Variants in DNAH1 observed in about 807,000 individuals in gnomAD.
DNAH1 encodes the protein dynein axonemal heavy chain 1, also known as axonemal beta dynein heavy chain 1.
DNAH1 carries 327 observed loss-of-function variants against 484.3 expected under a neutral mutation model. That is an observed-to-expected ratio of 0.68 (90% CI 0.62 to 0.74). The LOEUF is 0.74. Among genes scored for constraint, DNAH1 ranks in the 30% least tolerant of loss-of-function variants. The pLI, the probability that DNAH1 is intolerant of heterozygous loss-of-function variation, is 0.00. For missense variants in DNAH1, 5,052 were observed against 5,546.8 expected (o/e 0.91, Z 2.83); for synonymous variants, 2,192 against 2,191.9 (o/e 1.00, Z 0.00).
At chr3:52,389,949 T>C (rs1163114572) in intron 60 of DNAH1, among the ~76,000 whole-genome samples, 1 of 152,112 alleles carries the variant, frequency 6.6e-6, no homozygotes, top group African/African-American at 2.4e-5. Context: ...CCCTCTCTAC[T>C]AAAACTACAA....
At chr3:52,330,753 C>A (rs1701514150) in intron 6 of DNAH1, among the ~76,000 whole-genome samples, 1 of 152,234 alleles carries the variant, frequency 6.6e-6, no homozygotes, top group African/African-American at 2.4e-5. Flanking sequence ...GAGGGCTTCA[C>A]CCTGGCCATG....
intron 7 of DNAH1, among the ~76,000 whole-genome samples, chr3:52,331,619 C>CTTTTTTTTTTTT (rs36097098): frequency 9.0e-6 from 1 of 111,372 alleles, no homozygotes; most frequent in Non-Finnish European, 1.9e-5. Context: ...AAATACTTTT[C>CTTTTTTTTTTTT]TTTTTTTTTT....
In DNAH1 at chr3:52,363,111, C is replaced by T. The variant is rs1306831337; in HGVS notation, c.5211C>T (p.Thr1737=). Residue 1737 remains threonine, a synonymous_variant, in exon 32 of 78, where the codon ACC becomes ACT. Coordinates refer to ENST00000420323, the MANE Select transcript of DNAH1 (RefSeq NM_015512.5). ...TGCTGGCTAAGAAGATCACAACCAC[C>T]TTCAAGCTGTCTTCTGAGCAGCTCA... ...ASVLAKKITT[T]FKLSSEQLSS... is the part of the protein sequence containing the mutation. 6.2e-7 allele frequency: 1 copy of T among 1,613,996 alleles called. No homozygotes were observed. Among genetic ancestry groups the T allele is most frequent in the Non-Finnish European group, 8.5e-7 (1 of 1,179,866 alleles).
chr3:52,372,170 A>G, intron 42 of DNAH1, 57 bp from the exon 43 acceptor site: 1 of 1,610,622 alleles, frequency 6.2e-7, no homozygotes, highest in Middle Eastern at 1.7e-4. Context: ...ATGCAGGGGC[A>G]GCTCCTCCTG....
In DNAH1 at chr3:52,365,195, A is replaced by G. The variant is rs971400179; in HGVS notation, c.5518+176A>G. Among the ~76,000 whole-genome samples the G allele has an allele frequency of 2.6e-5, 4 of 152,282 alleles. No homozygotes were observed. The East Asian group carries it at 7.7e-4, about 29-fold the overall frequency. ...AGAGGCAGGGCAGATGTCCCGGCCC[A>G]GTCTCCACCAAAACCCGCCTGGTGG... On this transcript the variant is annotated intron_variant, in intron 34 of 77. Transcript: ENST00000420323.
chr3:52,398,271 C>G, intron 75 of DNAH1, 109 bp downstream of exon 75: 1 of 1,342,968 alleles, frequency 7.4e-7, no homozygotes, highest in Non-Finnish European at 9.9e-7. Flanking sequence ...TACACATCCT[C>G]TAACTCAGCT....
rs550517667 is a variant in DNAH1, at chr3:52,320,733, G to C, written c.-34-1676G>C. Among the ~76,000 whole-genome samples, 7 of 152,248 alleles carry C rather than the reference G, an allele frequency of 4.6e-5. No individual in the cohort carries two copies. In the East Asian group the frequency reaches 9.6e-4, roughly 21 times the overall value. ...GGAAAATGGGATGGGGCCAGGGAAG[G>C]GGGGCTTGCTTGGGCTAGGCCTCTA... On this transcript the variant is annotated intron_variant, in intron 1 of 77. Coordinates refer to ENST00000420323, the MANE Select transcript of DNAH1 (RefSeq NM_015512.5).
rs1578166840 is a variant in DNAH1, at chr3:52,374,152, T to G, written c.6986-1088T>G. On this transcript the variant is annotated intron_variant, in intron 44 of 77. Transcript: ENST00000420323. ...ATGGGAAATTCCTAGGCTTGAGAGC[T>G]TACATCAGAAAACAGATAAATAATA... is the stretch of plus-strand genomic sequence containing the variant. 6.4e-6 allele frequency: 8 copies of G among 1,246,620 alleles called. No individual in the cohort carries two copies. The East Asian group carries it at 1.9e-4, about 29-fold the overall frequency. 77.2% of individuals were successfully genotyped at this position (1,246,620 alleles called of 1,614,324 possible). A position where few individuals can be genotyped will look rare whatever the true frequency, so the allele number is the denominator to read the frequency against.
At chr3:52,338,550 A>C (rs919172751) in intron 8 of DNAH1, among the ~76,000 whole-genome samples, 1 of 152,214 alleles carries the variant, frequency 6.6e-6, no homozygotes, top group African/African-American at 2.4e-5. Flanking sequence ...GGTTGTATAA[A>C]GTTCCTTTTC....
At chr3:52,385,823 A>G (rs1704079569) in intron 54 of DNAH1, among the ~76,000 whole-genome samples, 1 of 152,244 alleles carries the variant, frequency 6.6e-6, no homozygotes, top group Non-Finnish European at 1.5e-5. Context: ...TGCTCGGCAA[A>G]GTCAGTGCAT....
In DNAH1 at chr3:52,366,907, C is replaced by T. The variant is rs1474938635; in HGVS notation, c.5765+20C>T. The T allele has an allele frequency of 1.3e-6, 2 of 1,593,548 alleles. No homozygotes were observed. The highest frequency in any genetic ancestry group is 1.1e-5 in the South Asian group (1 of 89,194). ...TGAGTGGTGAGTGACCCCCCAGCCT[C>T]ACCGGTGACCCCCTGCTCCCAGACC... is the stretch of plus-strand genomic sequence containing the variant. On this transcript the variant is annotated intron_variant, in intron 36 of 77. Transcript: ENST00000420323.
chr3:52,373,638 C>T, intron 44 of DNAH1: 1 of 1,429,002 alleles, frequency 7.0e-7, no homozygotes. Flanking sequence ...ACTTCAAAAA[C>T]TACCATCCTT....
chr3:52,361,249 A>C lies in DNAH1; in HGVS notation c.4771A>C (p.Thr1591Pro). ...AGCTGGCACAGGCAAAACTGAGACC[A>C]CCAAAGACCTGGGTAAGGCCTTGGC... ...GPAGTGKTET[T>P]KDLGKALAIQ... is the part of the protein sequence containing the mutation. The change falls in exon 29 of 78, where the codon ACC (threonine) becomes CCC (proline). Residue 1591 changes from threonine to proline, a missense_variant. Physicochemically the swap from Thr to Pro is conservative, Grantham distance 38. This residue lies in a region of DNAH1 where 2,929 missense variants were observed against 3,409.4 expected (regional missense o/e 0.86). Transcript: ENST00000420323. This position sits in a 1 kb window ranked among gnomAD's most constrained non-coding sequence, Gnocchi z 5.6. The C allele has an allele frequency of 6.2e-7, 1 of 1,613,000 alleles. No individual in the cohort carries two copies. The highest frequency in any genetic ancestry group is 8.5e-7 in the Non-Finnish European group (1 of 1,179,650).
rs1452204264 is a variant in DNAH1 at position 52,381,915 on chromosome 3, G to A, written c.7805+79G>A. On this transcript the variant is annotated intron_variant, in intron 49 of 77. Coordinates refer to ENST00000420323, the MANE Select transcript of DNAH1 (RefSeq NM_015512.5). The surrounding 1 kb of genome is among the most constrained non-coding windows in gnomAD (Gnocchi z 4.1). ...TTTGACTGACCCATGCTTTTGCACA[G>A]TGGTAGAGGCCTCGGGCAACCCTGA... The A allele has an allele frequency of 1.4e-6, 2 of 1,453,686 alleles. No individual in the cohort carries two copies. Among genetic ancestry groups the A allele is most frequent in the African/African-American group, 1.4e-5 (1 of 70,966 alleles). The allele number at this position is 1,453,686 out of a possible 1,614,324, so 90.0% of individuals were successfully genotyped here. A position where few individuals can be genotyped will look rare whatever the true frequency, so the allele number is the denominator to read the frequency against.
At position 52,326,216 on chromosome 3, in the gene DNAH1, C is replaced by T. The variant is rs372647456; in HGVS notation, c.483C>T (p.Leu161=). 69 of 1,613,058 alleles carry T rather than the reference C, an allele frequency of 4.3e-5. No individual in the cohort carries two copies. Among genetic ancestry groups the T allele is most frequent in the African/African-American group, 8.0e-5 (6 of 75,042 alleles). The part of the protein sequence containing the change: ...QQCIGSTTRL[L]AQTDFPLQAY... The stretch of plus-strand genomic sequence containing the variant: ...GCATCGGGTCCACCACCCGGCTGCT[C>T]GCCCAGACTGACTTCCCACTGCAGG... Residue 161 remains leucine, a synonymous_variant, in exon 4 of 78, where the codon CTC becomes CTT. Transcript: ENST00000420323.
chr3:52,347,791 C>A, intron 11 of DNAH1, 33 bp from the exon 12 acceptor site: 1 of 1,539,708 alleles, frequency 6.5e-7, no homozygotes, highest in Non-Finnish European at 8.8e-7. Flanking sequence ...CCTCCTAGGC[C>A]TCTGCCCACA....
Position 52,363,368 on chromosome 3 carries a change from A to G in DNAH1, c.5244+224A>G, listed in dbSNP as rs368388174. Among the ~76,000 whole-genome samples, 194 of 152,362 alleles carry G rather than the reference A, an allele frequency of 1.3e-3. 4 individuals are homozygous for G. In the South Asian group the frequency reaches 0.04, roughly 31 times the overall value. ...GTCTGGCCAGGCTCATGCAGTACAC[A>G]GCAGCGCTGGAGCAGGAGCCAGGAA... On this transcript the variant is annotated intron_variant, in intron 32 of 77. Coordinates refer to ENST00000420323, the MANE Select transcript of DNAH1 (RefSeq NM_015512.5).
intron 48 of DNAH1, 65 bp downstream of exon 48, chr3:52,380,200 C>G: frequency 1.4e-6 from 2 of 1,409,348 alleles, no homozygotes; most frequent in Non-Finnish European, 1.9e-6. Flanking sequence ...CCCTGGGGCC[C>G]AGGCCCCCTG....
intron 18 of DNAH1, 126 bp downstream of exon 18, chr3:52,352,833 G>A (rs1029295985): frequency 1.4e-6 from 2 of 1,391,598 alleles, no homozygotes; most frequent in Non-Finnish European, 1.9e-6. Flanking sequence ...GCAGAGTGGA[G>A]ATAGCCCAAC....
Sources: gnomAD v4.1 joint callset for allele counts (sites outside exome capture counted in the v4.1 genomes callset) on GRCh38, gnomAD v4.1.1 for gene constraint, gnomAD v4.1.1 regional missense constraint, Gnocchi (gnomAD v3.1) non-coding constraint, MANE v1.5 for transcripts, NCBI Gene and HGNC (gene_info 2026-07-23, HGNC 2026-07-21) for gene names.